Variants in PDXDC1 observed in about 807,000 individuals in gnomAD.
PDXDC1 encodes the protein pyridoxal-dependent decarboxylase domain-containing protein 1.
A neutral mutation model predicts 100.1 loss-of-function variants in PDXDC1; 42 were observed. The observed-to-expected ratio is 0.42, with a 90% CI of 0.33 to 0.54. PDXDC1 has a LOEUF of 0.54. Ranked by LOEUF, PDXDC1 falls within the 20% of genes least tolerant of loss-of-function variation. The pLI, the probability that PDXDC1 is intolerant of heterozygous loss-of-function variation, is 0.10. For synonymous variants in PDXDC1, 260 were observed against 371.7 expected, an observed-to-expected ratio of 0.70 and a Z score of 3.46; for missense variants, 636 against 979.2, an observed-to-expected ratio of 0.65 and a Z score of 4.68.
At chr16:15,047,933 GAAAT>G in intron 16 of PDXDC1, 1 of 1,611,834 alleles carries the variant, frequency 6.2e-7, no homozygotes, top group Non-Finnish European at 8.5e-7. Flanking sequence ...GTTTAAAAAA[GAAAT>G]AAAATAAAAT....
At position 15,033,372 on chromosome 16, in the gene PDXDC1, A is replaced by G. The variant is rs1293064580; in HGVS notation, c.1785A>G (p.Thr595=). ...AGCTCGTGGAGACCATTGCGGCCACAGCCCGGGAGATAGAGGAGAACTCGA... is the reference window on the plus strand; with the variant it reads ...AGCTCGTGGAGACCATTGCGGCCACGGCCCGGGAGATAGAGGAGAACTCGA... ...AAELVETIAA[T]AREIEENSRL... Residue 595 remains threonine (T), a synonymous_variant, in exon 19 of 23, where the codon ACA becomes ACG. Coordinates refer to ENST00000396410, the MANE Select transcript of PDXDC1 (RefSeq NM_015027.4). 1 of 1,614,036 alleles carries G rather than the reference A, an allele frequency of 6.2e-7. No individual in the cohort carries two copies. Among genetic ancestry groups the G allele is most frequent in the African/African-American group, 1.3e-5 (1 of 74,920 alleles).
intron 3 of PDXDC1, among the ~76,000 whole-genome samples, chr16:14,999,503 G>T (rs2151338451): frequency 6.6e-6 from 1 of 152,278 alleles, no homozygotes; most frequent in South Asian, 2.1e-4. Flanking sequence ...GAGTCAAGGA[G>T]TTCGAGGCCA....
At chr16:15,150,101 T>C in the PDXDC1 span, among the ~76,000 whole-genome samples, 1 of 151,898 alleles carries the variant, frequency 6.6e-6, no homozygotes, top group East Asian at 1.9e-4. Context: ...TCCCAGCACT[T>C]TGGGAGGCTG....
At position 15,125,898 on chromosome 16, in the gene PDXDC1, C is replaced by T. The variant is rs2047690017; in HGVS notation, c.1400-12981C>T. 14 of 696,932 alleles carry T rather than the reference C, an allele frequency of 2.0e-5. No homozygotes were observed. In the East Asian group the frequency reaches 3.2e-4, roughly 16 times the overall value. 43.2% of individuals were successfully genotyped at this position (696,932 alleles called of 1,614,324 possible). A position where few individuals can be genotyped will look rare whatever the true frequency, so the allele number is the denominator to read the frequency against. ...CACCTCCTCAGCAGACAGGACAGAGCCCGGTGCCATCTGACAGAATGTCCT... is the reference window on the plus strand; with the variant it reads ...CACCTCCTCAGCAGACAGGACAGAGTCCGGTGCCATCTGACAGAATGTCCT... On this transcript the variant is annotated intron_variant, in intron 16 of 16. Coordinates refer to the PDXDC1 transcript ENST00000535621.
At chr16:14,987,240 C>A (rs1301572141) in intron 1 of PDXDC1, among the ~76,000 whole-genome samples, 6 of 152,290 alleles carry the variant, frequency 3.9e-5, no homozygotes, top group African/African-American at 1.4e-4. Context: ...TAAAATTAAA[C>A]CTTAGTTCTA....
At chr16:15,125,139 G>A in intron 16 of PDXDC1, 2 of 440,390 alleles carry the variant, frequency 4.5e-6, no homozygotes, top group Non-Finnish European at 7.8e-6. Flanking sequence ...AGAATGGAAT[G>A]AGACTCTGTC....
intron 16 of PDXDC1, among the ~76,000 whole-genome samples, chr16:15,098,626 C>T (rs573681289): frequency 3.1e-4 from 47 of 152,164 alleles, no homozygotes; most frequent in Middle Eastern, 3.4e-3. Flanking sequence ...CGCCTGTAAT[C>T]CCAGCACTTT....
chr16:15,129,489 A>T (rs193059923), intron 16 of PDXDC1, among the ~76,000 whole-genome samples: 1 of 152,372 alleles, frequency 6.6e-6, no homozygotes, highest in Non-Finnish European at 1.5e-5. Context: ...GGCAATTCCA[A>T]TGAAAGGAAA....
intron 1 of PDXDC1, among the ~76,000 whole-genome samples, chr16:14,985,455 T>A (rs1340471445): frequency 6.6e-6 from 1 of 152,218 alleles, no homozygotes; most frequent in Non-Finnish European, 1.5e-5. Flanking sequence ...ACCTGGCTAA[T>A]TTTTTGTATT....
chr16:15,133,810 G>C (rs2048222212), intron 16 of PDXDC1: 4 of 1,586,234 alleles, frequency 2.5e-6, no homozygotes, highest in Non-Finnish European at 3.4e-6. Context: ...CATTCGAAGT[G>C]CACCTTGGTG....
chr16:15,030,643 G>T (rs1436738475), intron 16 of PDXDC1, among the ~76,000 whole-genome samples: 1 of 150,690 alleles, frequency 6.6e-6, no homozygotes, highest in Non-Finnish European at 1.5e-5. Context: ...GAGTGCAGTG[G>T]TGCGATCATG....
chr16:15,131,759 G>A, intron 16 of PDXDC1: 1 of 916,574 alleles, frequency 1.1e-6, no homozygotes. Context: ...AGGGAGGGTG[G>A]GGGCAGGCAA....
At chr16:15,047,457 T>C in intron 16 of PDXDC1, 1 of 1,607,156 alleles carries the variant, frequency 6.2e-7, no homozygotes. Flanking sequence ...ACATTGAGCG[T>C]GGTCAGAAAA....
At chr16:15,151,949 A>C in the PDXDC1 span, among the ~76,000 whole-genome samples, 20 of 142,328 alleles carry the variant, frequency 1.4e-4, no homozygotes, top group African/African-American at 2.2e-4. Context: ...AAAAAAAAAA[A>C]AAAACACATG....
chr16:15,120,950 G>A (rs1175593815), intron 16 of PDXDC1, among the ~76,000 whole-genome samples: 2 of 36,358 alleles, frequency 5.5e-5, no homozygotes, highest in African/African-American at 3.6e-4. Context: ...GTGACAGAGC[G>A]AGACTCTGTC....
chr16:15,140,328 C>G (rs1331109612), downstream of PDXDC1, among the ~76,000 whole-genome samples: 3 of 150,004 alleles, frequency 2.0e-5, no homozygotes, highest in Non-Finnish European at 3.0e-5. Flanking sequence ...CCTGTAATTC[C>G]AGCTACTCAG....
At chr16:15,110,447 T>A in intron 16 of PDXDC1, 1 of 1,586,154 alleles carries the variant, frequency 6.3e-7, no homozygotes, top group Non-Finnish European at 8.5e-7. Flanking sequence ...TCCATTGATT[T>A]TGTCATGACG....
At chr16:15,092,576 T>C (rs774302435) in intron 16 of PDXDC1, 75 of 1,613,394 alleles carry the variant, frequency 4.6e-5, no homozygotes, top group Non-Finnish European at 6.1e-5. Context: ...TGGGGGAGAA[T>C]TGAAAAAGTC....
intron 16 of PDXDC1, among the ~76,000 whole-genome samples, chr16:15,126,126 C>T (rs551313597): frequency 1.2e-3 from 187 of 152,086 alleles, no homozygotes; most frequent in African/African-American, 4.0e-3. Flanking sequence ...CCTCCACCTC[C>T]CGCGTTCAGG....
Sources: gnomAD v4.1 joint callset for allele counts (sites outside exome capture counted in the v4.1 genomes callset) on GRCh38, gnomAD v4.1.1 for gene constraint, MANE v1.5 for transcripts, NCBI Gene and HGNC (gene_info 2026-07-23, HGNC 2026-07-21) for gene names.